The following ZNF385D variants were observed in gnomAD, a reference collection of about 807,000 sequenced individuals.
The protein encoded by ZNF385D is zinc finger protein 659.
A neutral mutation model predicts 35.8 loss-of-function variants in ZNF385D; 15 were observed. The ratio of observed to expected loss-of-function variants is 0.42; its 90% CI spans 0.28 to 0.64. The LOEUF is 0.64. Among genes scored for constraint, ZNF385D ranks in the 30% least tolerant of loss-of-function variants. The pLI is 0.23. For missense variants in ZNF385D, 474 were observed against 494.6 expected (o/e 0.96, Z 0.39); for synonymous variants, 212 against 186.8 (o/e 1.13, Z -1.10).
intron 3 of ZNF385D, among the ~76,000 whole-genome samples, chr3:22,096,486 T>C (rs912934506): frequency 6.6e-6 from 1 of 152,032 alleles, no homozygotes; most frequent in Non-Finnish European, 1.5e-5. Flanking sequence ...TAGAGACATA[T>C]AACTCTAATA....
intron 1 of ZNF385D, among the ~76,000 whole-genome samples, chr3:21,712,825 C>A (rs2068164811): frequency 6.6e-6 from 1 of 152,200 alleles, no homozygotes. Flanking sequence ...AAATCTACCA[C>A]AAGCTTTCTG....
At chr3:21,801,995 T>C (rs2072428564) in intron 3 of ZNF385D, among the ~76,000 whole-genome samples, 1 of 152,166 alleles carries the variant, frequency 6.6e-6, no homozygotes, top group Admixed American at 6.5e-5. Context: ...AATGGCACCA[T>C]TTCACAAAAT....
chr3:21,786,271 C>T (rs920005526), intron 3 of ZNF385D, among the ~76,000 whole-genome samples: 6 of 152,164 alleles, frequency 3.9e-5, no homozygotes, highest in East Asian at 3.9e-4. Context: ...AGACAGGTCA[C>T]TGTGTCCTAC....
chr3:21,910,136 C>T (rs1377543295), intron 3 of ZNF385D, among the ~76,000 whole-genome samples: 1 of 148,752 alleles, frequency 6.7e-6, no homozygotes, highest in African/African-American at 2.5e-5. Flanking sequence ...CTTTCTAGAC[C>T]ATCTTTGGCC....
rs532679434 is a variant in ZNF385D at position 22,163,875 on chromosome 3, T to C, written c.325+4942A>G. Among the ~76,000 whole-genome samples the C allele has an allele frequency of 7.9e-5, 12 of 151,190 alleles. No individual in the cohort carries two copies. In the East Asian group the frequency reaches 1.4e-3, roughly 17 times the overall value. On this transcript the variant is annotated intron_variant, in intron 3 of 5. Coordinates refer to the ZNF385D transcript ENST00000494108. ...GGAGAAGAATGAAAGAATTCCCATA[T>C]CTTTTTCTAAATAACCTAAAAAGGA...
chr3:22,242,650 G>T (rs192044048), intron 2 of ZNF385D, among the ~76,000 whole-genome samples: 1 of 150,918 alleles, frequency 6.6e-6, no homozygotes, highest in Non-Finnish European at 1.5e-5. Context: ...ATGTGACATC[G>T]CAACTAAACA....
At chr3:21,587,140 C>G (rs2063835886) in intron 2 of ZNF385D, among the ~76,000 whole-genome samples, 1 of 152,118 alleles carries the variant, frequency 6.6e-6, no homozygotes, top group Non-Finnish European at 1.5e-5. Flanking sequence ...GATGAATTGT[C>G]CTGTGTGCTG....
At chr3:22,025,513 G>A (rs370681905) in intron 3 of ZNF385D, among the ~76,000 whole-genome samples, 1 of 152,200 alleles carries the variant, frequency 6.6e-6, no homozygotes, top group African/African-American at 2.4e-5. Context: ...AATGGTGGAA[G>A]AAACATAGAG....
intron 3 of ZNF385D, among the ~76,000 whole-genome samples, chr3:22,102,226 T>G (rs1701976303): frequency 6.6e-6 from 1 of 152,018 alleles, no homozygotes; most frequent in Non-Finnish European, 1.5e-5. Context: ...TAGTCAATGT[T>G]TTTTTGAGCA....
chr3:21,553,060 T>G (rs1222621380), intron 3 of ZNF385D, among the ~76,000 whole-genome samples: 1 of 151,950 alleles, frequency 6.6e-6, no homozygotes, highest in Non-Finnish European at 1.5e-5. Context: ...GAAGATGAAA[T>G]GGGGTCACAA....
chr3:21,947,199 C>A (rs543352529), intron 3 of ZNF385D, among the ~76,000 whole-genome samples: 36 of 152,154 alleles, frequency 2.4e-4, no homozygotes, highest in Non-Finnish European at 4.4e-4. Flanking sequence ...ACTCCACACA[C>A]AGCATCAAAC....
chr3:21,727,227 A>G (rs2068803441), intron 1 of ZNF385D, among the ~76,000 whole-genome samples: 1 of 152,234 alleles, frequency 6.6e-6, no homozygotes, highest in East Asian at 1.9e-4. Context: ...ATTCTAGAAG[A>G]AAAGCTAGGC....
At chr3:22,085,544 A>T (rs1700985214) in intron 3 of ZNF385D, among the ~76,000 whole-genome samples, 1 of 152,202 alleles carries the variant, frequency 6.6e-6, no homozygotes, top group South Asian at 2.1e-4. Context: ...TGAATCCCTG[A>T]ATAGACCAAT....
intron 2 of ZNF385D, among the ~76,000 whole-genome samples, chr3:22,302,084 G>C (rs749822322): frequency 6.6e-6 from 1 of 151,656 alleles, no homozygotes; most frequent in African/African-American, 2.4e-5. Flanking sequence ...TCTTGTGCTT[G>C]TCTCCTTATG....
intron 3 of ZNF385D, among the ~76,000 whole-genome samples, chr3:21,832,513 T>C (rs557929448): frequency 1.2e-4 from 19 of 152,162 alleles, no homozygotes; most frequent in Non-Finnish European, 1.5e-5. Context: ...TTACAGAAAG[T>C]TGTACTATGG....
chr3:21,614,565 C>T (rs912221323), intron 2 of ZNF385D, among the ~76,000 whole-genome samples: 4 of 152,024 alleles, frequency 2.6e-5, no homozygotes, highest in Non-Finnish European at 4.4e-5. Context: ...TTTTTGTTTT[C>T]CAGCCAGCCC....
chr3:21,708,191 A>G (rs2067976679), intron 1 of ZNF385D, among the ~76,000 whole-genome samples: 1 of 152,190 alleles, frequency 6.6e-6, no homozygotes, highest in Admixed American at 6.5e-5. Context: ...GTAAAAGGAA[A>G]TCAGTCTTTC....
chr3:22,211,203 A>G (rs1036678755), intron 2 of ZNF385D, among the ~76,000 whole-genome samples: 5 of 152,008 alleles, frequency 3.3e-5, no homozygotes, highest in African/African-American at 9.7e-5. Context: ...AATAATATTT[A>G]TAGTTATTAT....
chr3:22,105,750 T>C (rs933450336), intron 3 of ZNF385D, among the ~76,000 whole-genome samples: 28 of 152,110 alleles, frequency 1.8e-4, no homozygotes, highest in Non-Finnish European at 2.5e-4. Flanking sequence ...CCTACCAACA[T>C]TGGGGAGGGC....
Sources: allele counts gnomAD v4.1 joint callset (sites outside exome capture counted in the v4.1 genomes callset), GRCh38; gene constraint gnomAD v4.1.1; transcripts MANE v1.5; gene names NCBI Gene and HGNC (gene_info 2026-07-23, HGNC 2026-07-21).